The following FAM167A variants were observed in gnomAD, a reference collection of about 807,000 sequenced individuals.
FAM167A encodes the protein family with sequence similarity 167 member A, also known as protein FAM167A.
Under a neutral mutation model 14.9 loss-of-function variants are expected in FAM167A, and 23 were observed. That is an observed-to-expected ratio of 1.55 (90% CI 1.11 to 2.19). The LOEUF (loss-of-function observed/expected upper bound fraction) is 2.19. Among genes scored for constraint, FAM167A ranks in the 30% most tolerant of loss-of-function variants. The pLI, the probability that FAM167A is intolerant of heterozygous loss-of-function variation, is 0.00. For missense variants in FAM167A, 401 were observed against 281.5 expected (o/e 1.42, Z -3.04); for synonymous variants, 174 against 117.7 (o/e 1.48, Z -3.10).
upstream of FAM167A, among the ~76,000 whole-genome samples, chr8:11,468,286 A>C (rs1807850941): frequency 6.6e-6 from 1 of 152,196 alleles, no homozygotes; most frequent in African/African-American, 2.4e-5. Context: ...GTCCGTCTCT[A>C]GGGCCTTGTC....
rs181273671 is a variant in FAM167A, at chr8:11,421,966, G to T, written c.*2407C>A. ...GTAAGGAAGCCAGTCAACACTGGAC[G>T]ATGTTTAGAAAACATCGCTGTCCCC... On this transcript the variant is annotated 3_prime_UTR_variant, in exon 3 of 3. Coordinates refer to ENST00000284486, the MANE Select transcript of FAM167A (RefSeq NM_053279.3). 2.3e-5 allele frequency: 9 copies of T among 397,252 alleles called. No homozygotes were observed. The highest frequency in any genetic ancestry group is 4.0e-5 in the Non-Finnish European group (9 of 225,730). 24.6% of individuals were successfully genotyped at this position (397,252 alleles called of 1,614,324 possible).
At chr8:11,445,075 T>A in intron 1 of FAM167A, 1 of 940,714 alleles carries the variant, frequency 1.1e-6, no homozygotes, top group Non-Finnish European at 1.3e-6. Context: ...CCCCAGCAAG[T>A]CTGCAGGGAT....
upstream of FAM167A, among the ~76,000 whole-genome samples, chr8:11,471,219 G>T (rs1585289997): frequency 6.6e-6 from 1 of 152,202 alleles, no homozygotes; most frequent in East Asian, 1.9e-4. Context: ...CATCTGGAAG[G>T]GCATGTGCGG....
intron 1 of FAM167A, among the ~76,000 whole-genome samples, chr8:11,449,930 C>G (rs757326326): frequency 6.6e-6 from 1 of 152,194 alleles, no homozygotes; most frequent in African/African-American, 2.4e-5. Context: ...CATCCACTTC[C>G]TCGATGGGCT....
upstream of FAM167A, chr8:11,467,493 G>C (rs1413520115): frequency 2.6e-5 from 4 of 152,370 alleles, no homozygotes; most frequent in East Asian, 5.8e-4. Flanking sequence ...CCCAAGGCTG[G>C]TTACTGGATG....
chr8:11,455,621 GTGGT>G (rs1279752186), intron 1 of FAM167A, among the ~76,000 whole-genome samples: 1 of 129,160 alleles, frequency 7.7e-6, no homozygotes, highest in African/African-American at 3.1e-5. Flanking sequence ...AGTGTGCAGG[GTGGT>G]TGCTCTGCTG....
intron 1 of FAM167A, among the ~76,000 whole-genome samples, chr8:11,473,796 C>T (rs1797786061): frequency 6.6e-6 from 1 of 152,164 alleles, no homozygotes; most frequent in African/African-American, 2.4e-5. Context: ...CTAGAAAATG[C>T]CTGACAGTCT....
At chr8:11,453,894 G>A (rs1309352369) in intron 1 of FAM167A, among the ~76,000 whole-genome samples, 2 of 152,228 alleles carry the variant, frequency 1.3e-5, no homozygotes, top group African/African-American at 2.4e-5. Flanking sequence ...GGCAGCCTAT[G>A]TGACCAGCCT....
chr8:11,434,283 T>G lies in FAM167A; in HGVS notation c.382-9647A>C, dbSNP rs184604750. ...CACTCACGCTCTGCAGCCCAGAGAC[T>G]GCAGGGCGGGGACTCTGAGCCTGGC... On this transcript the variant is annotated intron_variant, in intron 2 of 2. Coordinates refer to ENST00000284486, the MANE Select transcript of FAM167A (RefSeq NM_053279.3). 7.6e-3 allele frequency: 1,161 copies of G among 152,426 alleles called. 15 individuals carry two copies. Among genetic ancestry groups the G allele is most frequent in the African/African-American group, 0.027 (1,115 of 41,576 alleles). The allele number at this position is 152,426 out of a possible 1,614,324, so 9.4% of individuals were successfully genotyped here.
intron 1 of FAM167A, among the ~76,000 whole-genome samples, chr8:11,461,296 GA>G (rs1230409551): frequency 6.6e-6 from 1 of 152,232 alleles, no homozygotes; most frequent in African/African-American, 2.4e-5. Flanking sequence ...TGGGGAGGGG[GA>G]AAGTAGCCAT....
intron 1 of FAM167A, among the ~76,000 whole-genome samples, chr8:11,475,190 G>A (rs970011672): frequency 4.3e-4 from 66 of 152,300 alleles, no homozygotes; most frequent in South Asian, 6.2e-4. Context: ...CCCCACCTTA[G>A]GACAGGTTCC....
At chr8:11,445,606 T>C (rs1005276371) in intron 1 of FAM167A, 1 of 985,396 alleles carries the variant, frequency 1.0e-6, no homozygotes, top group Admixed American at 6.1e-5. Context: ...GGATCTGATG[T>C]GGCCTCCCCA....
chr8:11,439,182 T>G (rs575151841), intron 2 of FAM167A, among the ~76,000 whole-genome samples: 2 of 152,240 alleles, frequency 1.3e-5, no homozygotes, highest in Non-Finnish European at 2.9e-5. Context: ...TCTACAACCT[T>G]TCTGAGCCTC....
intron 2 of FAM167A, among the ~76,000 whole-genome samples, chr8:11,429,865 C>T (rs530119918): frequency 4.6e-5 from 7 of 152,370 alleles, no homozygotes; most frequent in African/African-American, 1.7e-4. Flanking sequence ...GGCCTCTTCT[C>T]ATCTCTTCTA....
At chr8:11,448,003 G>A (rs1806859929) in intron 1 of FAM167A, among the ~76,000 whole-genome samples, 1 of 152,138 alleles carries the variant, frequency 6.6e-6, no homozygotes, top group Non-Finnish European at 1.5e-5. Context: ...AGACCAGCCT[G>A]ACCAACATAG....
chr8:11,433,562 TGA>T (rs531844460), intron 2 of FAM167A, among the ~76,000 whole-genome samples: 9 of 152,164 alleles, frequency 5.9e-5, no homozygotes, highest in Admixed American at 1.3e-4. Context: ...AAAGCTGGCT[TGA>T]GAGAAATCCC....
At chr8:11,450,075 C>A (rs1806963283) in intron 1 of FAM167A, among the ~76,000 whole-genome samples, 1 of 152,226 alleles carries the variant, frequency 6.6e-6, no homozygotes, top group South Asian at 2.1e-4. Flanking sequence ...AAGACACAAT[C>A]TTTCCAACCC....
upstream of FAM167A, among the ~76,000 whole-genome samples, chr8:11,467,038 A>G (rs545808663): frequency 1.4e-3 from 210 of 152,266 alleles, 3 homozygotes; most frequent in South Asian, 0.011. Flanking sequence ...GTTTCCCCCA[A>G]TTGTGGCAAC....
chr8:11,447,527 T>A (rs572251189), intron 1 of FAM167A, among the ~76,000 whole-genome samples: 19 of 152,192 alleles, frequency 1.2e-4, no homozygotes, highest in African/African-American at 7.2e-5. Flanking sequence ...CTTGGTGAAG[T>A]GCAGAAAACA....
Sources: allele counts gnomAD v4.1 joint callset (sites outside exome capture counted in the v4.1 genomes callset), GRCh38; gene constraint gnomAD v4.1.1; transcripts MANE v1.5; gene names NCBI Gene and HGNC (gene_info 2026-07-23, HGNC 2026-07-21).